LMO3: variants seen among roughly 807,000 people sequenced by gnomAD.
LMO3 encodes LIM domain only protein 3.
Under a neutral mutation model 15.8 loss-of-function variants are expected in LMO3, and 2 were observed. That is an observed-to-expected ratio of 0.13 (90% CI 0.05 to 0.40). The LOEUF (loss-of-function observed/expected upper bound fraction) is 0.40. LMO3 is among the 10% of genes least tolerant of loss of function. The pLI, the probability that LMO3 is intolerant of heterozygous loss-of-function variation, is 0.99. For synonymous variants in LMO3, 62 were observed against 63.8 expected, an observed-to-expected ratio of 0.97 and a Z score of 0.13; for missense variants, 86 against 182.2, an observed-to-expected ratio of 0.47 and a Z score of 3.04.
At chr12:16,590,899 C>T (rs1304518614) in intron 2 of LMO3, among the ~76,000 whole-genome samples, 1 of 152,008 alleles carries the variant, frequency 6.6e-6, no homozygotes, top group Non-Finnish European at 1.5e-5. Flanking sequence ...ACAACTATTA[C>T]TTAATCACAC....
rs1030500351 is a variant in LMO3, at chr12:16,576,175, C to T, written c.207-15637G>A. Among the ~76,000 whole-genome samples, 5 of 152,130 alleles carry T rather than the reference C, an allele frequency of 3.3e-5. No homozygotes were observed. In the East Asian group the frequency reaches 9.6e-4, roughly 29 times the overall value. ...TGCTGTCCGCCTTCCACTCTGCAGC[C>T]GGTAGCCTTTCTATAACACAGCTCC... On this transcript the variant is annotated intron_variant, in intron 2 of 3. Coordinates refer to ENST00000537304, the MANE Select transcript of LMO3 (RefSeq NM_018640.5). The surrounding 1 kb of genome is among the most constrained non-coding windows in gnomAD (Gnocchi z 4.1).
At chr12:16,578,916 TAAC>T (rs1251939666) in intron 2 of LMO3, among the ~76,000 whole-genome samples, 2 of 152,180 alleles carry the variant, frequency 1.3e-5, no homozygotes, top group East Asian at 1.9e-4. Context: ...GTTCTATACT[TAAC>T]AAAGTCTCAC....
intron 2 of LMO3, among the ~76,000 whole-genome samples, chr12:16,577,763 C>T (rs1235704023): frequency 6.6e-6 from 1 of 152,156 alleles, no homozygotes; most frequent in Non-Finnish European, 1.5e-5. Flanking sequence ...CTTACAATGG[C>T]TCCATCTCAC....
chr12:16,566,389 G>A (rs1306915893), intron 2 of LMO3, among the ~76,000 whole-genome samples: 1 of 151,882 alleles, frequency 6.6e-6, no homozygotes, highest in Non-Finnish European at 1.5e-5. Context: ...AAAATAGGTA[G>A]AAGAGAAGCT....
chr12:16,579,126 A>AT (rs570418073), intron 2 of LMO3, among the ~76,000 whole-genome samples: 86 of 151,516 alleles, frequency 5.7e-4, no homozygotes, highest in South Asian at 5.4e-3. Context: ...TTCCACAGGG[A>AT]TTTTTTTTTG....
At chr12:16,563,430 C>T (rs1488081688) in intron 2 of LMO3, among the ~76,000 whole-genome samples, 1 of 151,934 alleles carries the variant, frequency 6.6e-6, no homozygotes, top group African/African-American at 2.4e-5. Context: ...ATTTGGGTTT[C>T]GAGGCAAAAG....
chr12:16,605,436 G>GCCCCCCCCCCCCCCC (rs56405071), intron 1 of LMO3: 7 of 372,676 alleles, frequency 1.9e-5, no homozygotes, highest in African/African-American at 3.3e-5. Flanking sequence ...CTACCCGCCT[G>GCCCCCCCCCCCCCCC]CCCCCCCCCC....
rs2137319471 is a variant in LMO3, at chr12:16,559,165, C to A, written c.332+1248G>T. Among the ~76,000 whole-genome samples, 1 of 152,228 alleles carries A rather than the reference C, an allele frequency of 6.6e-6. No individual in the cohort carries two copies. The highest frequency in any genetic ancestry group is 1.9e-4 in the East Asian group (1 of 5,184). On this transcript the variant is annotated intron_variant, in intron 3 of 3. Transcript: ENST00000537304. The surrounding 1 kb of genome is among the most constrained non-coding windows in gnomAD (Gnocchi z 4.1). ...TTGATTATATACTCTGCCAGGTGTT[C>A]TCACAGAAAGTCAGTGAATTCATTT...
At chr12:16,578,460 T>C (rs1943060770) in intron 2 of LMO3, among the ~76,000 whole-genome samples, 1 of 152,172 alleles carries the variant, frequency 6.6e-6, no homozygotes, top group Non-Finnish European at 1.5e-5. Flanking sequence ...TTGGAGTAGA[T>C]GGTCTCAGGC....
At chr12:16,574,314 C>T (rs1401689349) in intron 2 of LMO3, among the ~76,000 whole-genome samples, 2 of 152,110 alleles carry the variant, frequency 1.3e-5, no homozygotes, top group African/African-American at 4.8e-5. Flanking sequence ...GTCTGATCAA[C>T]GAAAACGCCT....
chr12:16,559,058 G>C lies in LMO3; in HGVS notation c.332+1355C>G, dbSNP rs528890652. On this transcript the variant is annotated intron_variant, in intron 3 of 3. Coordinates refer to ENST00000537304, the MANE Select transcript of LMO3 (RefSeq NM_018640.5). This position sits in a 1 kb window ranked among gnomAD's most constrained non-coding sequence, Gnocchi z 4.1. ...TCACATTCTTTCTACTATTCTACAG[G>C]GTCTCATAAGAAGATTCTGCATCAA... 6.6e-6 allele frequency among the ~76,000 whole-genome samples: 1 copy of C among 151,946 alleles called. No homozygotes were observed. The highest frequency in any genetic ancestry group is 2.4e-5 in the African/African-American group (1 of 41,438).
upstream of LMO3, chr12:16,607,656 C>T (rs1194019133): frequency 1.3e-5 from 2 of 152,110 alleles, no homozygotes; most frequent in African/African-American, 4.8e-5. Context: ...TTGAAAGACA[C>T]TCACTGAAAT....
chr12:16,559,100 T>C lies in LMO3; in HGVS notation c.332+1313A>G, dbSNP rs1942297088. On this transcript the variant is annotated intron_variant, in intron 3 of 3. Coordinates refer to ENST00000537304, the MANE Select transcript of LMO3 (RefSeq NM_018640.5). The surrounding 1 kb of genome is among the most constrained non-coding windows in gnomAD (Gnocchi z 4.1). ...CTGCATCAAATAGTACCTTTCAGAG[T>C]AAATTACAATAACTGAGAACTTGAT... is the stretch of plus-strand genomic sequence containing the variant. Among the ~76,000 whole-genome samples the C allele has an allele frequency of 6.6e-6, 1 of 152,168 alleles. No individual in the cohort carries two copies. The highest frequency in any genetic ancestry group is 6.5e-5 in the Admixed American group (1 of 15,274).
At chr12:16,572,710 A>G (rs1223422653) in intron 2 of LMO3, among the ~76,000 whole-genome samples, 1 of 148,084 alleles carries the variant, frequency 6.8e-6, no homozygotes, top group Non-Finnish European at 1.5e-5. Flanking sequence ...ATTATATATA[A>G]TTTAAATATA....
intron 3 of LMO3, among the ~76,000 whole-genome samples, chr12:16,557,367 A>T (rs75496935): frequency 1.4e-5 from 2 of 142,724 alleles, no homozygotes; most frequent in African/African-American, 2.6e-5. Context: ...GGTGGCAAGG[A>T]TTTTTTTTTT....
intron 2 of LMO3, among the ~76,000 whole-genome samples, chr12:16,580,807 T>G (rs1943136768): frequency 6.6e-6 from 1 of 152,212 alleles, no homozygotes; most frequent in Non-Finnish European, 1.5e-5. Flanking sequence ...TTGTTAAATT[T>G]TTCACGATGT....
rs143477675 is a variant in LMO3 at position 16,591,168 on chromosome 12, C to G, written c.206+9487G>C. On this transcript the variant is annotated intron_variant, in intron 2 of 3. Transcript: ENST00000537304. This position sits in a 1 kb window ranked among gnomAD's most constrained non-coding sequence, Gnocchi z 4.1. ...TACCATAGACCTACACAGTGACTAC[C>G]CCTTATTCTTGCCCCTCCTGCTCTC... 3.3e-5 allele frequency among the ~76,000 whole-genome samples: 5 copies of G among 151,946 alleles called. No individual in the cohort carries two copies. Among genetic ancestry groups the G allele is most frequent in the Non-Finnish European group, 5.9e-5 (4 of 67,970 alleles).
chr12:16,606,625 TACA>T (rs1944012209), upstream of LMO3: 1 of 151,898 alleles, frequency 6.6e-6, no homozygotes, highest in African/African-American at 2.4e-5. Flanking sequence ...CTCAGTCAAG[TACA>T]GCCGCCCTCG....
rs1344342142 is a variant in LMO3, at chr12:16,582,817, T to G, written c.206+17838A>C. On this transcript the variant is annotated intron_variant, in intron 2 of 3. Transcript: ENST00000537304. The surrounding 1 kb of genome is among the most constrained non-coding windows in gnomAD (Gnocchi z 4.1). ...AATCCCAGCACTTTGGGAGGCCAAA[T>G]TGAGTGGATCACCTGAGGTCAGGAG... Among the ~76,000 whole-genome samples the G allele has an allele frequency of 6.6e-6, 1 of 151,916 alleles. No homozygotes were observed. The highest frequency in any genetic ancestry group is 1.5e-5 in the Non-Finnish European group (1 of 67,950).
Sources: allele counts gnomAD v4.1 joint callset (sites outside exome capture counted in the v4.1 genomes callset), GRCh38; gene constraint gnomAD v4.1.1; non-coding constraint Gnocchi (gnomAD v3.1); transcripts MANE v1.5; gene names NCBI Gene and HGNC (gene_info 2026-07-23, HGNC 2026-07-21).